Variants in MARCHF1 observed in about 807,000 individuals in gnomAD.
MARCHF1 encodes E3 ubiquitin-protein ligase MARCHF1.
A neutral mutation model predicts 54.2 loss-of-function variants in MARCHF1; 40 were observed. The observed-to-expected ratio is 0.74, with a 90% CI of 0.57 to 0.96. MARCHF1 has a LOEUF of 0.96. Ranked by LOEUF, MARCHF1 falls within the 40% of genes least tolerant of loss-of-function variation. The probability of loss-of-function intolerance (pLI) is 0.00; values close to 1 mark genes in which losing one functional copy is unlikely to be tolerated. For synonymous variants in MARCHF1, 236 were observed against 236.3 expected, an observed-to-expected ratio of 1.00 and a Z score of 0.01; for missense variants, 586 against 656.5, an observed-to-expected ratio of 0.89 and a Z score of 1.17.
chr4:164,099,173 A>C (rs1445748871), intron 2 of MARCHF1, among the ~76,000 whole-genome samples: 3 of 152,186 alleles, frequency 2.0e-5, no homozygotes, highest in African/African-American at 7.2e-5. Flanking sequence ...GGGGTGCTTA[A>C]TCCACAGGAG....
intron 1 of MARCHF1, among the ~76,000 whole-genome samples, chr4:164,269,612 G>T (rs1221130161): frequency 7.2e-5 from 11 of 151,970 alleles, no homozygotes; most frequent in African/African-American, 2.7e-4. Context: ...CATTGACATT[G>T]TTATCATGAA....
chr4:164,147,825 TAA>T (rs1207168203), intron 1 of MARCHF1, among the ~76,000 whole-genome samples: 2 of 132,354 alleles, frequency 1.5e-5, no homozygotes, highest in East Asian at 4.2e-4. Context: ...AGTATAATAA[TAA>T]AAAAAGTCAA....
chr4:163,611,620 T>A (rs2110926227), intron 7 of MARCHF1, among the ~76,000 whole-genome samples: 1 of 152,252 alleles, frequency 6.6e-6, no homozygotes, highest in Non-Finnish European at 1.5e-5. Context: ...TGAAAATATA[T>A]GCTGTTGAGT....
rs987863781 is a variant in MARCHF1, at chr4:163,609,288, A to C, written c.1010+2983T>G. ...AATTGAACTCACTATGTCTTTCCTA[A>C]ATCAACTTGCCTCTGTCTTCTGCCT... is the stretch of plus-strand genomic sequence containing the variant. On this transcript the variant is annotated intron_variant, in intron 7 of 9. Coordinates refer to ENST00000514618, the MANE Select transcript of MARCHF1 (RefSeq NM_001394959.1). 2.6e-5 allele frequency among the ~76,000 whole-genome samples: 4 copies of C among 152,108 alleles called. No homozygotes were observed. The East Asian group carries it at 7.7e-4, about 29-fold the overall frequency.
chr4:163,837,778 G>T (rs756140089), intron 4 of MARCHF1, among the ~76,000 whole-genome samples: 1 of 151,624 alleles, frequency 6.6e-6, no homozygotes, highest in Non-Finnish European at 1.5e-5. Context: ...AAGCGCACAT[G>T]ATATCAAAAA....
chr4:164,005,302 T>A (rs1477699721), intron 2 of MARCHF1, among the ~76,000 whole-genome samples: 2 of 152,132 alleles, frequency 1.3e-5, no homozygotes, highest in Non-Finnish European at 2.9e-5. Context: ...ATTAAATTAA[T>A]AATTTAAAAC....
Position 163,558,032 on chromosome 4 carries a change from A to G in MARCHF1, c.1192-12289T>C, listed in dbSNP as rs189353188. Among the ~76,000 whole-genome samples the G allele has an allele frequency of 5.2e-3, 785 of 152,290 alleles. 25 individuals carry two copies. Among genetic ancestry groups the G allele is most frequent in the Non-Finnish European group, 7.8e-4 (53 of 68,012 alleles). ...TGAGCTGACCATGACAAAGAGGGGG[A>G]AAAAAGAAAAATTTGGGTTCTGTGA... On this transcript the variant is annotated intron_variant, in intron 8 of 9. Coordinates refer to ENST00000514618, the MANE Select transcript of MARCHF1 (RefSeq NM_001394959.1).
intron 1 of MARCHF1, among the ~76,000 whole-genome samples, chr4:164,117,363 C>T (rs1755960145): frequency 6.6e-6 from 1 of 151,882 alleles, no homozygotes; most frequent in Admixed American, 6.6e-5. Context: ...TAGGTCAAGG[C>T]TTATCCCTTT....
At chr4:164,343,890 A>C (rs1729997728) in intron 1 of MARCHF1, among the ~76,000 whole-genome samples, 2 of 152,206 alleles carry the variant, frequency 1.3e-5, no homozygotes, top group Non-Finnish European at 2.9e-5. Flanking sequence ...ACTCAAAGGA[A>C]TATAAACAGT....
intron 4 of MARCHF1, among the ~76,000 whole-genome samples, chr4:163,754,324 G>A (rs1746604140): frequency 6.6e-6 from 1 of 152,118 alleles, no homozygotes; most frequent in East Asian, 1.9e-4. Flanking sequence ...TCCCCTTTCA[G>A]ATCACTTGAA....
At chr4:164,220,308 ATAGGAATT>A (rs1732058079) in intron 1 of MARCHF1, among the ~76,000 whole-genome samples, 2 of 147,966 alleles carry the variant, frequency 1.4e-5, no homozygotes. Context: ...ATGAATATAT[ATAGGAATT>A]CATATATATA....
Position 163,528,680 on chromosome 4 carries a change from T to G in MARCHF1, c.*68A>C, listed in dbSNP as rs544499493. On this transcript the variant is annotated 3_prime_UTR_variant, in exon 10 of 10. Coordinates refer to ENST00000514618, the MANE Select transcript of MARCHF1 (RefSeq NM_001394959.1). ...AAGGGAGTAAATAATTCAAGATCAC[T>G]TCTGTCATTTGTAGTGGCTGAGGGC... The G allele has an allele frequency of 4.8e-4, 707 of 1,464,204 alleles. 6 individuals carry two copies. The highest frequency in any genetic ancestry group is 4.7e-3 in the South Asian group (359 of 75,812). 90.7% of individuals were successfully genotyped at this position (1,464,204 alleles called of 1,614,324 possible). A position where few individuals can be genotyped will look rare whatever the true frequency, so the allele number is the denominator to read the frequency against.
At chr4:164,142,581 A>G (rs1260317467) in intron 1 of MARCHF1, among the ~76,000 whole-genome samples, 14 of 151,902 alleles carry the variant, frequency 9.2e-5, no homozygotes, top group East Asian at 1.9e-4. Flanking sequence ...TCACACAGCC[A>G]GGTACTCCAA....
At chr4:163,869,652 T>G (rs563978960) in intron 3 of MARCHF1, among the ~76,000 whole-genome samples, 1 of 152,194 alleles carries the variant, frequency 6.6e-6, no homozygotes, top group Non-Finnish European at 1.5e-5. Flanking sequence ...TCCAAGCAGT[T>G]TACCCTTTAA....
At chr4:163,727,189 T>A (rs1160770285) in intron 4 of MARCHF1, among the ~76,000 whole-genome samples, 2 of 152,232 alleles carry the variant, frequency 1.3e-5, no homozygotes, top group Admixed American at 6.5e-5. Context: ...GTAAAAATAG[T>A]GGCTGTAATT....
chr4:163,551,830 C>T (rs2110941973), intron 8 of MARCHF1, among the ~76,000 whole-genome samples: 1 of 152,272 alleles, frequency 6.6e-6, no homozygotes, highest in South Asian at 2.1e-4. Context: ...CCGTGTAAGA[C>T]ATGCCTTTCA....
intron 3 of MARCHF1, among the ~76,000 whole-genome samples, chr4:163,895,098 T>G (rs1750777345): frequency 6.6e-6 from 1 of 152,166 alleles, no homozygotes. Context: ...GTGCATGTGA[T>G]GCATATATAT....
chr4:164,071,877 C>A (rs899485191), intron 2 of MARCHF1, among the ~76,000 whole-genome samples: 2 of 152,100 alleles, frequency 1.3e-5, no homozygotes, highest in Non-Finnish European at 2.9e-5. Flanking sequence ...ACACCTTTTT[C>A]TTTCAAAATT....
intron 2 of MARCHF1, among the ~76,000 whole-genome samples, chr4:164,009,815 C>T (rs1015461951): frequency 6.6e-6 from 1 of 151,880 alleles, no homozygotes; most frequent in African/African-American, 2.4e-5. Context: ...ATAAAAAAGT[C>T]CATATATAAC....
Sources: gnomAD v4.1 joint callset for allele counts (sites outside exome capture counted in the v4.1 genomes callset) on GRCh38, gnomAD v4.1.1 for gene constraint, MANE v1.5 for transcripts, NCBI Gene and HGNC (gene_info 2026-07-23, HGNC 2026-07-21) for gene names.